Variants in PPP1R12B observed in about 807,000 individuals in gnomAD.
PPP1R12B encodes protein phosphatase 1 regulatory subunit 12B, also known as myosin phosphatase target subunit 2.
In PPP1R12B, 76 loss-of-function variants were observed where a neutral mutation model predicts 126.1. The ratio of observed to expected loss-of-function variants is 0.60; its 90% CI spans 0.50 to 0.73. The LOEUF is 0.73. Ranked by LOEUF, PPP1R12B falls within the 30% of genes least tolerant of loss-of-function variation. The pLI, the probability that PPP1R12B is intolerant of heterozygous loss-of-function variation, is 0.00. For missense variants in PPP1R12B, 1,052 were observed against 1,205.1 expected, an observed-to-expected ratio of 0.87 and a Z score of 1.88; for synonymous variants, 356 against 434.7, an observed-to-expected ratio of 0.82 and a Z score of 2.25.
intron 20 of PPP1R12B, among the ~76,000 whole-genome samples, chr1:202,563,626 TAAAAAAAAAAA>T (rs56149958): frequency 8.3e-6 from 1 of 120,392 alleles, no homozygotes; most frequent in African/African-American, 2.9e-5. Flanking sequence ...TTGGTGTTAG[TAAAAAAAAAAA>T]AAAAAAAGAA....
At chr1:202,353,650 C>T (rs1656479325) in intron 1 of PPP1R12B, among the ~76,000 whole-genome samples, 1 of 147,482 alleles carries the variant, frequency 6.8e-6, no homozygotes, top group Non-Finnish European at 1.5e-5. Flanking sequence ...TGCCCTGTTA[C>T]CCAGACTGGA....
chr1:202,538,638 A>G (rs890215724), intron 18 of PPP1R12B, among the ~76,000 whole-genome samples: 2 of 152,252 alleles, frequency 1.3e-5, no homozygotes, highest in African/African-American at 2.4e-5. Flanking sequence ...TCCAGAGAAA[A>G]GAGGGTTGTT....
chr1:202,429,880 G>A (rs1669987155), intron 6 of PPP1R12B, among the ~76,000 whole-genome samples: 1 of 152,140 alleles, frequency 6.6e-6, no homozygotes, highest in African/African-American at 2.4e-5. Flanking sequence ...CATTATGTCT[G>A]GTATGGTAAA....
intron 18 of PPP1R12B, among the ~76,000 whole-genome samples, chr1:202,527,763 A>G (rs1431874958): frequency 1.3e-5 from 2 of 152,218 alleles, no homozygotes; most frequent in Admixed American, 6.5e-5. Context: ...TCAAGGAACA[A>G]GTATAATAAT....
At position 202,586,645 on chromosome 1, in the gene PPP1R12B, A is replaced by G. The variant is rs1222989880; in HGVS notation, c.*6085A>G. On this transcript the variant is annotated 3_prime_UTR_variant, in exon 24 of 24. Coordinates refer to ENST00000608999, the MANE Select transcript of PPP1R12B (RefSeq NM_002481.4). ...TGAGGTGATTTCTGAGGGCTGAGAA[A>G]AAACACAGAATCTTGGCCAGCAGCC... The G allele has an allele frequency of 6.6e-6, 1 of 152,242 alleles. No homozygotes were observed. Among genetic ancestry groups the G allele is most frequent in the African/African-American group, 2.4e-5 (1 of 41,450 alleles). 9.4% of individuals were successfully genotyped at this position (152,242 alleles called of 1,614,324 possible).
At chr1:202,379,173 A>G (rs1401841148) in intron 1 of PPP1R12B, among the ~76,000 whole-genome samples, 2 of 152,202 alleles carry the variant, frequency 1.3e-5, no homozygotes, top group African/African-American at 4.8e-5. Context: ...TCTCGGTCTC[A>G]GTATTTCCAG....
At chr1:202,556,649 T>C (rs1239833644) in intron 18 of PPP1R12B, among the ~76,000 whole-genome samples, 3 of 152,166 alleles carry the variant, frequency 2.0e-5, no homozygotes, top group Non-Finnish European at 4.4e-5. Context: ...ACCACTGTTA[T>C]CTCCATAGCA....
intron 18 of PPP1R12B, among the ~76,000 whole-genome samples, chr1:202,505,566 A>G (rs1323051163): frequency 6.6e-6 from 1 of 152,070 alleles, no homozygotes; most frequent in Non-Finnish European, 1.5e-5. Flanking sequence ...TTTTAGGTAA[A>G]ATCCTAAGTC....
Position 202,585,662 on chromosome 1 carries a change from C to T in PPP1R12B, c.*5102C>T, listed in dbSNP as rs1572587049. On this transcript the variant is annotated 3_prime_UTR_variant, in exon 24 of 24. Transcript: ENST00000608999. Reference sequence around the variant, plus strand: ...TTTTTTGTTTTCTTCTGGATTTAAACTGTTTAATATGAGCACATCAAGGTT... The same window carrying T: ...TTTTTTGTTTTCTTCTGGATTTAAATTGTTTAATATGAGCACATCAAGGTT... 1 of 152,320 alleles carries T rather than the reference C, an allele frequency of 6.6e-6. No individual in the cohort carries two copies. The highest frequency in any genetic ancestry group is 2.4e-5 in the African/African-American group (1 of 41,564). 9.4% of individuals were successfully genotyped at this position (152,320 alleles called of 1,614,324 possible).
At chr1:202,560,652 G>C (rs1448332896) in intron 19 of PPP1R12B, among the ~76,000 whole-genome samples, 1 of 152,122 alleles carries the variant, frequency 6.6e-6, no homozygotes, top group Non-Finnish European at 1.5e-5. Context: ...CCTGTATCTT[G>C]TGCCAGCCTC....
In PPP1R12B at chr1:202,349,107, A is replaced by G. The variant is rs1176934152; in HGVS notation, c.256A>G (p.Thr86Ala). ...KLLARGADIN[T>A]VNVDGLTALH... is the part of the protein sequence containing the mutation. Reference sequence around the variant, plus strand: ...TCTGGCAAGAGGTGCTGATATCAACACGGTCAACGTGGACGGCTTGACAGC... The same window carrying G: ...TCTGGCAAGAGGTGCTGATATCAACGCGGTCAACGTGGACGGCTTGACAGC... The change falls in exon 1 of 24, where the codon ACG becomes GCG. Residue 86 changes from threonine to alanine, a missense_variant. Transcript: ENST00000608999. 6.2e-7 allele frequency: 1 copy of G among 1,614,092 alleles called. No homozygotes were observed. The highest frequency in any genetic ancestry group is 2.2e-5 in the East Asian group (1 of 44,884).
chr1:202,573,247 G>A (rs750610153), intron 23 of PPP1R12B, among the ~76,000 whole-genome samples: 25 of 152,066 alleles, frequency 1.6e-4, no homozygotes, highest in Non-Finnish European at 2.4e-4. Flanking sequence ...TGCTTACAGT[G>A]GGCAAGGAAG....
rs1243659426 is a variant in PPP1R12B, at chr1:202,420,986, T to TTTTTTG, written c.423-1632_423-1631insTTTGTT. 4.2e-5 allele frequency among the ~76,000 whole-genome samples: 6 copies of TTTTTTG among 143,406 alleles called. No individual in the cohort carries two copies. In the East Asian group the frequency reaches 1.2e-3, roughly 29 times the overall value. 94.1% of individuals were successfully genotyped at this position (143,406 alleles called of 152,430 possible). ...TGCCAACTTTTTTTTTTTTTTTTTT[T>TTTTTTG]TTGAGATAGAGTCTTGCTCTGTCAC... On this transcript the variant is annotated intron_variant, in intron 2 of 23. Transcript: ENST00000608999.
rs1278928808 is a variant in PPP1R12B at position 202,508,382 on chromosome 1, C to T, written c.2490+11560C>T. Among the ~76,000 whole-genome samples, 1 of 152,040 alleles carries T rather than the reference C, an allele frequency of 6.6e-6. No individual in the cohort carries two copies. Among genetic ancestry groups the T allele is most frequent in the Admixed American group, 6.5e-5 (1 of 15,268 alleles). On this transcript the variant is annotated intron_variant, in intron 18 of 23. Transcript: ENST00000608999. The surrounding 1 kb of genome is among the most constrained non-coding windows in gnomAD (Gnocchi z 4.5). The stretch of plus-strand genomic sequence containing the variant: ...TTTATTACAACCTGAACTCTTACAC[C>T]TTAAACTATGTCAGTATTATTGGCT...
chr1:202,509,415 T>C (rs946748551), intron 18 of PPP1R12B, among the ~76,000 whole-genome samples: 3 of 152,224 alleles, frequency 2.0e-5, no homozygotes, highest in African/African-American at 7.2e-5. Context: ...CATTACCTTT[T>C]GAGGAGAAAG....
chr1:202,438,473 TG>T, intron 10 of PPP1R12B: 1 of 416,742 alleles, frequency 2.4e-6, no homozygotes, highest in South Asian at 2.0e-5. Context: ...GACTTCAAGG[TG>T]CTGGATGGGG....
intron 5 of PPP1R12B, 109 bp downstream of exon 5, chr1:202,427,293 A>T: frequency 6.9e-7 from 1 of 1,457,798 alleles, no homozygotes; most frequent in Non-Finnish European, 9.3e-7. Flanking sequence ...TGAAATATAC[A>T]TCACTGGTAG....
intron 13 of PPP1R12B, among the ~76,000 whole-genome samples, chr1:202,486,578 G>A (rs1322955757): frequency 6.6e-6 from 1 of 152,222 alleles, no homozygotes; most frequent in Non-Finnish European, 1.5e-5. Flanking sequence ...GTCGAGGTGG[G>A]AGGATTGCTT....
At chr1:202,427,802 G>A (rs1195610605) in intron 5 of PPP1R12B, among the ~76,000 whole-genome samples, 4 of 151,856 alleles carry the variant, frequency 2.6e-5, no homozygotes, top group African/African-American at 7.3e-5. Flanking sequence ...ACGCCGCCAC[G>A]CCTGGCTAAT....
Sources: gnomAD v4.1 joint callset for allele counts (sites outside exome capture counted in the v4.1 genomes callset) on GRCh38, gnomAD v4.1.1 for gene constraint, Gnocchi (gnomAD v3.1) non-coding constraint, MANE v1.5 for transcripts, NCBI Gene and HGNC (gene_info 2026-07-23, HGNC 2026-07-21) for gene names.